The following VAV1 variants were observed in gnomAD, a reference collection of about 807,000 sequenced individuals.
The protein encoded by VAV1 is proto-oncogene vav.
A neutral mutation model predicts 128.1 loss-of-function variants in VAV1; 33 were observed. The ratio of observed to expected loss-of-function variants is 0.26; its 90% CI spans 0.20 to 0.34. The LOEUF (loss-of-function observed/expected upper bound fraction) is 0.34. Ranked by LOEUF, VAV1 falls within the 10% of genes least tolerant of loss-of-function variation. The pLI is 1.00. For synonymous variants in VAV1, 394 were observed against 409.8 expected (o/e 0.96, Z 0.47); for missense variants, 715 against 1,093.7 (o/e 0.65, Z 4.88).
chr19:6,846,449 G>A (rs11883294), intron 22 of VAV1, among the ~76,000 whole-genome samples: 2,370 of 151,310 alleles, frequency 0.016, 62 homozygotes, highest in African/African-American at 0.054. Flanking sequence ...TTAGCTGGGC[G>A]TGGTGGTGTG....
At chr19:6,805,579 C>A (rs80062066) in intron 1 of VAV1, among the ~76,000 whole-genome samples, 3,307 of 131,384 alleles carry the variant, frequency 0.025, 56 homozygotes, top group Non-Finnish European at 0.038. Flanking sequence ...CTCATTTCTA[C>A]AGATACACAC....
At position 6,853,027 on chromosome 19, in the gene VAV1, C is replaced by T. The variant is rs984706722; in HGVS notation, c.2280C>T (p.Thr760=). The change falls in exon 25 of 27, where the codon ACC becomes ACT. Residue 760 remains threonine (T), a synonymous_variant. Coordinates refer to ENST00000602142, the MANE Select transcript of VAV1 (RefSeq NM_005428.4). ...LKDCFKSLDT[T]LQFPFKEPEK... ...ATTGCTTCAAGTCTCTGGACACCAC[C>T]TTGCAGTTCCCCTTCAAGGAGCCTG... The T allele has an allele frequency of 6.2e-7, 1 of 1,611,966 alleles. No individual in the cohort carries two copies. The highest frequency in any genetic ancestry group is 1.1e-5 in the South Asian group (1 of 91,044).
At chr19:6,843,729 T>C (rs1023152889) in intron 22 of VAV1, among the ~76,000 whole-genome samples, 7 of 152,214 alleles carry the variant, frequency 4.6e-5, no homozygotes, top group African/African-American at 1.7e-4. Context: ...TGCTTAGTCC[T>C]GGTCCTGACA....
In VAV1 at chr19:6,828,064, C is replaced by T. The variant is rs1971962432; in HGVS notation, c.928-12C>T. ...CCTGCCTCAGTTTCCCCATTGTTCT[C>T]TGATTCCCCAGGAATGTTCTCAGAG... On this transcript the variant is annotated splice_polypyrimidine_tract_variant and intron_variant, in intron 9 of 26. Transcript: ENST00000602142. This position sits in a 1 kb window ranked among gnomAD's most constrained non-coding sequence, Gnocchi z 4.5. 2 of 1,613,810 alleles carry T rather than the reference C, an allele frequency of 1.2e-6. No individual in the cohort carries two copies. The highest frequency in any genetic ancestry group is 1.7e-6 in the Non-Finnish European group (2 of 1,179,756).
rs868152053 is a variant in VAV1 at position 6,794,066 on chromosome 19, G to A, written c.204+21055G>A. On this transcript the variant is annotated intron_variant, in intron 1 of 26. Coordinates refer to ENST00000602142, the MANE Select transcript of VAV1 (RefSeq NM_005428.4). ...ATGATTTATTTACCAATAAACCAAC[G>A]GTAAATGATTTATTTACCAATAAAC... Among the ~76,000 whole-genome samples, 7 of 143,500 alleles carry A rather than the reference G, an allele frequency of 4.9e-5. 2 individuals carry two copies. Among genetic ancestry groups the A allele is most frequent in the Non-Finnish European group, 9.2e-5 (6 of 65,204 alleles). The allele number at this position is 143,500 out of a possible 152,430, so 94.1% of individuals were successfully genotyped here. A position where few individuals can be genotyped will look rare whatever the true frequency, so the allele number is the denominator to read the frequency against.
At chr19:6,818,586 A>T (rs1166366244) in intron 1 of VAV1, among the ~76,000 whole-genome samples, 1 of 152,166 alleles carries the variant, frequency 6.6e-6, no homozygotes, top group Non-Finnish European at 1.5e-5. Flanking sequence ...TATACATTGA[A>T]GTCTTAACCC....
Position 6,821,873 on chromosome 19 carries a change from C to A in VAV1, c.449+14C>A, listed in dbSNP as rs756445171. ...CGACCAGATCGAGTGAGTGCTCAGG[C>A]CTGTGGCCGCACAGCTCACTGGAGC... is the stretch of plus-strand genomic sequence containing the variant. On this transcript the variant is annotated intron_variant, in intron 4 of 26. Coordinates refer to ENST00000602142, the MANE Select transcript of VAV1 (RefSeq NM_005428.4). The A allele has an allele frequency of 1.9e-6, 3 of 1,613,954 alleles. No homozygotes were observed. The African/African-American group carries it at 4.0e-5, about 22-fold the overall frequency.
At chr19:6,842,344 G>C (rs1972399860) in intron 21 of VAV1, among the ~76,000 whole-genome samples, 1 of 152,212 alleles carries the variant, frequency 6.6e-6, no homozygotes, top group African/African-American at 2.4e-5. Context: ...GAGCCGAAGA[G>C]TAGTGTAAAT....
rs1184071804 is a variant in VAV1 at position 6,773,127 on chromosome 19, T to C, written c.204+116T>C. 4 of 1,368,106 alleles carry C rather than the reference T, an allele frequency of 2.9e-6. No individual in the cohort carries two copies. In the African/African-American group the frequency reaches 5.7e-5, roughly 20 times the overall value. The allele number at this position is 1,368,106 out of a possible 1,614,324, so 84.7% of individuals were successfully genotyped here. On this transcript the variant is annotated intron_variant, in intron 1 of 26. Coordinates refer to ENST00000602142, the MANE Select transcript of VAV1 (RefSeq NM_005428.4). ...CTGGGCCTGCAAAGGAGAGGGAATA[T>C]GCTTACAGGTCCAGGGCTGGCCCAG...
At chr19:6,850,137 T>C (rs111329843) in intron 23 of VAV1, among the ~76,000 whole-genome samples, 6,516 of 140,108 alleles carry the variant, frequency 0.047, 220 homozygotes, top group Non-Finnish European at 0.069. Flanking sequence ...TTTCCCTTAC[T>C]TTTTTTTTTT....
chr19:6,833,411 C>A, intron 16 of VAV1, 117 bp from the exon 17 acceptor site: 1 of 1,365,044 alleles, frequency 7.3e-7, no homozygotes, highest in Non-Finnish European at 1.0e-6. Flanking sequence ...TCTTCTGCTT[C>A]TCCGTCACTC....
intron 9 of VAV1, chr19:6,827,166 T>A (rs1971938793): frequency 6.0e-6 from 1 of 166,670 alleles, no homozygotes; most frequent in Non-Finnish European, 1.3e-5. Context: ...TCCAGATCTG[T>A]CCCCCTCCCC....
In VAV1 at chr19:6,833,210, C is replaced by A; in HGVS notation, c.1535C>A (p.Thr512Asn). 1 of 1,612,824 alleles carries A rather than the reference C, an allele frequency of 6.2e-7. No homozygotes were observed. ...AISNIYPENA[T>N]ANGHDFQMFS... ...TCCAACATCTATCCGGAGAATGCCACCGCCAACGGGCATGACTTCCAGATG... is the reference window on the plus strand; with the variant it reads ...TCCAACATCTATCCGGAGAATGCCAACGCCAACGGGCATGACTTCCAGATG... Residue 512 changes from threonine to asparagine, a missense_variant, in exon 16 of 27, where the codon ACC becomes AAC. Physicochemically the swap from Thr to Asn is moderately conservative, Grantham distance 65 (BLOSUM62 0). Coordinates refer to ENST00000602142, the MANE Select transcript of VAV1 (RefSeq NM_005428.4).
Position 6,820,604 on chromosome 19 carries a change from T to A in VAV1, c.205-98T>A. On this transcript the variant is annotated intron_variant, in intron 1 of 26. Coordinates refer to ENST00000602142, the MANE Select transcript of VAV1 (RefSeq NM_005428.4). This position sits in a 1 kb window ranked among gnomAD's most constrained non-coding sequence, Gnocchi z 4.4. Reference sequence around the variant, plus strand: ...CATGGAAGAGGGTCTGTGCTTTCATTTCCCCTCCACACCAGTCCCCAAGCT... The same window carrying A: ...CATGGAAGAGGGTCTGTGCTTTCATATCCCCTCCACACCAGTCCCCAAGCT... 1 of 869,066 alleles carries A rather than the reference T, an allele frequency of 1.2e-6. No homozygotes were observed. The highest frequency in any genetic ancestry group is 1.9e-6 in the Non-Finnish European group (1 of 523,312). The allele number at this position is 869,066 out of a possible 1,614,324, so 53.8% of individuals were successfully genotyped here.
Position 6,820,872 on chromosome 19 carries a change from G to A in VAV1, c.321+54G>A, listed in dbSNP as rs1342783691. 3.3e-5 allele frequency: 51 copies of A among 1,536,884 alleles called. No homozygotes were observed. The highest frequency in any genetic ancestry group is 4.3e-5 in the Non-Finnish European group (48 of 1,110,998). The stretch of plus-strand genomic sequence containing the variant: ...TGAGTTTCAGTTAATTTCTATTGAC[G>A]TCTACACTGGGCAAGCTAAGGACTG... On this transcript the variant is annotated intron_variant, in intron 2 of 26. Coordinates refer to ENST00000602142, the MANE Select transcript of VAV1 (RefSeq NM_005428.4). The surrounding 1 kb of genome is among the most constrained non-coding windows in gnomAD (Gnocchi z 4.4).
intron 26 of VAV1, among the ~76,000 whole-genome samples, chr19:6,856,205 G>C (rs1721679779): frequency 6.6e-6 from 1 of 152,118 alleles, no homozygotes; most frequent in African/African-American, 2.4e-5. Flanking sequence ...GCTGAGGCAG[G>C]AGAATCGCTT....
rs975254055 is a variant in VAV1 at position 6,826,868 on chromosome 19, G to A, written c.927+157G>A. The A allele has an allele frequency of 4.6e-6, 3 of 645,182 alleles. No homozygotes were observed. The highest frequency in any genetic ancestry group is 8.2e-6 in the Non-Finnish European group (3 of 365,276). 40.0% of individuals were successfully genotyped at this position (645,182 alleles called of 1,614,324 possible). On this transcript the variant is annotated intron_variant, in intron 9 of 26. Coordinates refer to ENST00000602142, the MANE Select transcript of VAV1 (RefSeq NM_005428.4). This position sits in a 1 kb window ranked among gnomAD's most constrained non-coding sequence, Gnocchi z 4.1. ...GAGGGAGGTACTAGCCAGCCAAGCAGAGGAAATGGAGAAGAACAGAAATGG... is the reference window on the plus strand; with the variant it reads ...GAGGGAGGTACTAGCCAGCCAAGCAAAGGAAATGGAGAAGAACAGAAATGG...
chr19:6,811,642 A>T lies in VAV1; in HGVS notation c.205-9060A>T, dbSNP rs183851470. Among the ~76,000 whole-genome samples the T allele has an allele frequency of 6.8e-4, 104 of 152,288 alleles. 1 individual carries two copies. Among genetic ancestry groups the T allele is most frequent in the African/African-American group, 2.4e-3 (100 of 41,556 alleles). On this transcript the variant is annotated intron_variant, in intron 1 of 26. Coordinates refer to ENST00000602142, the MANE Select transcript of VAV1 (RefSeq NM_005428.4). ...AATAGGAGAGGAACTTTTAGCCCAGACAGCAGTCCTTTATTCATCTCCCTG... is the reference window on the plus strand; with the variant it reads ...AATAGGAGAGGAACTTTTAGCCCAGTCAGCAGTCCTTTATTCATCTCCCTG...
chr19:6,853,152 T>C (rs946895219), intron 25 of VAV1, 73 bp downstream of exon 25: 7 of 1,368,886 alleles, frequency 5.1e-6, no homozygotes, highest in Non-Finnish European at 5.1e-6. Context: ...GGGGATGCCA[T>C]TGACACCCCT....
Sources: allele counts gnomAD v4.1 joint callset (sites outside exome capture counted in the v4.1 genomes callset), GRCh38; gene constraint gnomAD v4.1.1; non-coding constraint Gnocchi (gnomAD v3.1); transcripts MANE v1.5; gene names NCBI Gene and HGNC (gene_info 2026-07-23, HGNC 2026-07-21).